The following CACNA2D1 variants were observed in gnomAD, a reference collection of about 807,000 sequenced individuals.
CACNA2D1 encodes voltage-dependent calcium channel subunit alpha-2/delta-1.
Under a neutral mutation model 171.5 loss-of-function variants are expected in CACNA2D1, and 53 were observed. The ratio of observed to expected loss-of-function variants is 0.31; its 90% CI spans 0.25 to 0.39. CACNA2D1 has a LOEUF of 0.39. Among genes scored for constraint, CACNA2D1 ranks in the 10% least tolerant of loss-of-function variants. The pLI is 1.00. For synonymous variants in CACNA2D1, 442 were observed against 443.1 expected (o/e 1.00, Z 0.03); for missense variants, 903 against 1,299.8 (o/e 0.69, Z 4.69).
At chr7:82,440,240 T>C (rs775544699) in intron 1 of CACNA2D1, among the ~76,000 whole-genome samples, 2 of 152,060 alleles carry the variant, frequency 1.3e-5, no homozygotes, top group South Asian at 4.1e-4. Flanking sequence ...GTGACTGAGA[T>C]AAAAGTTTGA....
intron 18 of CACNA2D1, among the ~76,000 whole-genome samples, chr7:82,004,700 G>A (rs1167138967): frequency 6.6e-6 from 1 of 152,008 alleles, no homozygotes; most frequent in Non-Finnish European, 1.5e-5. Flanking sequence ...ATAACTAAAA[G>A]GATGCTTCTA....
At chr7:82,136,789 A>G (rs1281795591) in intron 4 of CACNA2D1, 113 bp from the exon 5 acceptor site, 1 of 768,166 alleles carries the variant, frequency 1.3e-6, no homozygotes, top group South Asian at 1.7e-5. Context: ...TTCTTTCACA[A>G]TATATTCCAC....
intron 4 of CACNA2D1, among the ~76,000 whole-genome samples, chr7:82,143,615 T>G (rs1792651174): frequency 6.6e-6 from 1 of 152,132 alleles, no homozygotes; most frequent in Non-Finnish European, 1.5e-5. Flanking sequence ...GAAAGCCTAA[T>G]GCAAATGGTA....
At position 82,185,653 on chromosome 7, in the gene CACNA2D1, C is replaced by T. The variant is rs1416531667; in HGVS notation, c.295-15044G>A. Among the ~76,000 whole-genome samples, 7 of 151,298 alleles carry T rather than the reference C, an allele frequency of 4.6e-5. 1 individual carries two copies. The highest frequency in any genetic ancestry group is 4.2e-4 in the South Asian group (2 of 4,784). On this transcript the variant is annotated intron_variant, in intron 3 of 38. Transcript: ENST00000356860. ...AACTGTTAGTTCTTCTGGAGAATTT[C>T]GTGATATCTATTATTAAAAAGGCAA...
intron 3 of CACNA2D1, among the ~76,000 whole-genome samples, chr7:82,181,361 G>A (rs1797126257): frequency 6.6e-6 from 1 of 152,102 alleles, no homozygotes; most frequent in Non-Finnish European, 1.5e-5. Flanking sequence ...ATTCTTTGGT[G>A]ACTCTGCATT....
chr7:82,135,365 TTTTG>T (rs1250418663), intron 5 of CACNA2D1, among the ~76,000 whole-genome samples: 4 of 152,086 alleles, frequency 2.6e-5, no homozygotes, highest in Non-Finnish European at 4.4e-5. Context: ...CATTAAAACA[TTTTG>T]TTTTAGTTGA....
chr7:82,133,656 A>G (rs1210711705), intron 5 of CACNA2D1, among the ~76,000 whole-genome samples: 2 of 152,246 alleles, frequency 1.3e-5, no homozygotes, highest in African/African-American at 4.8e-5. Flanking sequence ...TCACAAAGGA[A>G]AATTAAACTC....
At chr7:82,238,929 T>C (rs1205793038) in intron 3 of CACNA2D1, among the ~76,000 whole-genome samples, 1 of 152,040 alleles carries the variant, frequency 6.6e-6, no homozygotes, top group African/African-American at 2.4e-5. Flanking sequence ...AATCACAATA[T>C]CTGACCCAAG....
chr7:82,215,365 G>C (rs1027183438), intron 3 of CACNA2D1, among the ~76,000 whole-genome samples: 2 of 152,118 alleles, frequency 1.3e-5, no homozygotes, highest in African/African-American at 4.8e-5. Context: ...GGCAATACTT[G>C]TTGTCTCAGT....
intron 3 of CACNA2D1, among the ~76,000 whole-genome samples, chr7:82,262,548 T>C (rs999650549): frequency 6.6e-6 from 1 of 152,152 alleles, no homozygotes; most frequent in African/African-American, 2.4e-5. Flanking sequence ...TTTTGTATTT[T>C]TCCTTTTAAA....
intron 35 of CACNA2D1, 146 bp from the exon 36 acceptor site, chr7:81,962,169 T>G: frequency 1.4e-6 from 1 of 725,434 alleles, no homozygotes. Context: ...TGCTGTGTAA[T>G]ATCGTGGCAG....
At chr7:82,353,129 G>A (rs948397038) in intron 1 of CACNA2D1, among the ~76,000 whole-genome samples, 3 of 152,152 alleles carry the variant, frequency 2.0e-5, no homozygotes, top group Non-Finnish European at 4.4e-5. Context: ...GTCTAGTTAA[G>A]AGGTAAGAAA....
In CACNA2D1 at chr7:82,287,837, T is replaced by C. The variant is rs2003509; in HGVS notation, c.294+47298A>G. ...TAAGAATAGGGCTTGTTTATCTCCT[T>C]ACTTTTTTTTGTTTTTTTTTGAGAC... On this transcript the variant is annotated intron_variant, in intron 3 of 38. Transcript: ENST00000356860. Among the ~76,000 whole-genome samples the C allele has an allele frequency of 4.9e-3, 712 of 145,298 alleles. 4 individuals carry two copies. Among genetic ancestry groups the C allele is most frequent in the African/African-American group, 0.018 (684 of 37,524 alleles).
At chr7:82,216,671 T>A (rs1172320042) in intron 3 of CACNA2D1, among the ~76,000 whole-genome samples, 1 of 152,062 alleles carries the variant, frequency 6.6e-6, no homozygotes, top group African/African-American at 2.4e-5. Context: ...CTAAGAAGGG[T>A]TCCATTTTGT....
chr7:82,011,956 T>A (rs370899741), intron 15 of CACNA2D1, 198 bp downstream of exon 15: 5 of 559,358 alleles, frequency 8.9e-6, no homozygotes, highest in East Asian at 3.0e-5. Flanking sequence ...GCTAACACTT[T>A]GCATTTGTAG....
At chr7:82,055,685 T>C (rs1805761216) in intron 10 of CACNA2D1, among the ~76,000 whole-genome samples, 1 of 141,104 alleles carries the variant, frequency 7.1e-6, no homozygotes, top group Non-Finnish European at 1.5e-5. Context: ...ACACTGCATG[T>C]TCTCACTCAT....
At position 81,950,262 on chromosome 7, in the gene CACNA2D1, T is replaced by G; in HGVS notation, c.*130A>C. The G allele has an allele frequency of 3.8e-6, 6 of 1,563,316 alleles. No individual in the cohort carries two copies. The highest frequency in any genetic ancestry group is 5.2e-6 in the Non-Finnish European group (6 of 1,143,814). On this transcript the variant is annotated 3_prime_UTR_variant, in exon 39 of 39. Transcript: ENST00000356860. ...GCCTTAGGAGTCTGCGCCTTAGTGTTATGCCATGGAACAGGCCCAGCTAAT... is the reference window on the plus strand; with the variant it reads ...GCCTTAGGAGTCTGCGCCTTAGTGTGATGCCATGGAACAGGCCCAGCTAAT...
intron 3 of CACNA2D1, among the ~76,000 whole-genome samples, chr7:82,196,135 A>G (rs3819434): frequency 0.079 from 12,069 of 151,994 alleles, 1,062 homozygotes; most frequent in East Asian, 0.21. Context: ...TTTGCTTTTT[A>G]TTACATAGCT....
At chr7:82,247,182 A>C (rs1805029190) in intron 3 of CACNA2D1, among the ~76,000 whole-genome samples, 1 of 152,212 alleles carries the variant, frequency 6.6e-6, no homozygotes, top group Admixed American at 6.5e-5. Flanking sequence ...TTTCTATTGT[A>C]TTTAACACAG....
Sources: allele counts gnomAD v4.1 joint callset (sites outside exome capture counted in the v4.1 genomes callset), GRCh38; gene constraint gnomAD v4.1.1; transcripts MANE v1.5; gene names NCBI Gene and HGNC (gene_info 2026-07-23, HGNC 2026-07-21).